The following EBF3 variants were observed in gnomAD, a reference collection of about 807,000 sequenced individuals.
EBF3 encodes the protein transcription factor COE3.
Under a neutral mutation model 77.1 loss-of-function variants are expected in EBF3, and 18 were observed. The ratio of observed to expected loss-of-function variants is 0.23; its 90% CI spans 0.16 to 0.35. The LOEUF is 0.35. Among genes scored for constraint, EBF3 ranks in the 10% least tolerant of loss-of-function variants. The probability of loss-of-function intolerance (pLI) is 1.00; values close to 1 mark genes in which losing one functional copy is unlikely to be tolerated. For missense variants in EBF3, 558 were observed against 860.0 expected, an observed-to-expected ratio of 0.65 and a Z score of 4.39; for synonymous variants, 350 against 343.5, an observed-to-expected ratio of 1.02 and a Z score of -0.21.
At chr10:129,945,107 A>AAG (rs1554930743) in intron 6 of EBF3, among the ~76,000 whole-genome samples, 1 of 5,392 alleles carries the variant, frequency 1.9e-4, no homozygotes, top group Non-Finnish European at 4.0e-4. Flanking sequence ...AGGGGAGGGG[A>AAG]AGGGGGGGGA....
intron 10 of EBF3, among the ~76,000 whole-genome samples, chr10:129,850,319 G>C (rs1031202563): frequency 6.6e-6 from 1 of 152,238 alleles, no homozygotes; most frequent in Non-Finnish European, 1.5e-5. Context: ...TTTATGACTT[G>C]TAATAACCAT....
intron 6 of EBF3, among the ~76,000 whole-genome samples, chr10:129,946,754 TG>T (rs1192065139): frequency 6.6e-6 from 1 of 152,244 alleles, no homozygotes. Flanking sequence ...AGTCTATTTT[TG>T]AGCCACACAA....
intron 6 of EBF3, among the ~76,000 whole-genome samples, chr10:129,924,104 G>T (rs1157105227): frequency 6.6e-6 from 1 of 152,150 alleles, no homozygotes; most frequent in Admixed American, 6.5e-5. Context: ...TCACCCATTA[G>T]GATGGCTGCT....
chr10:129,885,003 C>T lies in EBF3; in HGVS notation c.555-7154G>A, dbSNP rs1003205691. Among the ~76,000 whole-genome samples, 1 of 152,170 alleles carries T rather than the reference C, an allele frequency of 6.6e-6. No individual in the cohort carries two copies. Among genetic ancestry groups the T allele is most frequent in the Admixed American group, 6.5e-5 (1 of 15,282 alleles). ...TATCTCCTGACAAATACCTCACTATCGAACATTATTAGGTTTAGAAAATTA... is the reference window on the plus strand; with the variant it reads ...TATCTCCTGACAAATACCTCACTATTGAACATTATTAGGTTTAGAAAATTA... On this transcript the variant is annotated intron_variant, in intron 6 of 16. Transcript: ENST00000440978. This position sits in a 1 kb window ranked among gnomAD's most constrained non-coding sequence, Gnocchi z 4.0.
intron 8 of EBF3, 129 bp downstream of exon 8, chr10:129,873,323 T>C: frequency 1.7e-6 from 2 of 1,148,294 alleles, no homozygotes; most frequent in Middle Eastern, 5.0e-4. Flanking sequence ...CCCCTCATCC[T>C]GCCTTGGTGC....
chr10:129,918,607 T>C (rs750578045), intron 6 of EBF3, among the ~76,000 whole-genome samples: 1 of 152,194 alleles, frequency 6.6e-6, no homozygotes, highest in Non-Finnish European at 1.5e-5. Flanking sequence ...TGTGTTCGCA[T>C]GGTTGTTTAA....
At chr10:129,869,098 A>G (rs1453415048) in intron 8 of EBF3, among the ~76,000 whole-genome samples, 1 of 152,184 alleles carries the variant, frequency 6.6e-6, no homozygotes, top group Non-Finnish European at 1.5e-5. Flanking sequence ...TTTGGACACA[A>G]TTACACCCTA....
intron 4 of EBF3, 26 bp from the exon 5 acceptor site, chr10:129,959,033 G>A: frequency 6.3e-7 from 1 of 1,597,140 alleles, no homozygotes. Flanking sequence ...GCAGAGGCTG[G>A]GGTTACGCGG....
intron 6 of EBF3, among the ~76,000 whole-genome samples, chr10:129,886,658 T>C (rs1853609358): frequency 6.6e-6 from 1 of 152,136 alleles, no homozygotes; most frequent in African/African-American, 2.4e-5. Context: ...AATTTTTTTT[T>C]CCCTGGGATT....
Position 129,962,272 on chromosome 10 carries a change from A to C in EBF3, c.356-46T>G, listed in dbSNP as rs754240570. 15 of 1,600,042 alleles carry C rather than the reference A, an allele frequency of 9.4e-6. No homozygotes were observed. In the South Asian group the frequency reaches 1.7e-4, roughly 18 times the overall value. On this transcript the variant is annotated intron_variant, in intron 3 of 16. Transcript: ENST00000440978. The stretch of plus-strand genomic sequence containing the variant: ...ATTCTCATCAGGATTTGAGTGCTGC[A>C]CCTCGGGGAGGGCACACGGAGCACA...
At chr10:129,855,514 A>G (rs1164841524) in intron 10 of EBF3, among the ~76,000 whole-genome samples, 1 of 152,072 alleles carries the variant, frequency 6.6e-6, no homozygotes, top group Non-Finnish European at 1.5e-5. Context: ...TGGCCTCCTC[A>G]CTTCTCCGTG....
intron 6 of EBF3, among the ~76,000 whole-genome samples, chr10:129,933,114 T>C (rs542908757): frequency 3.3e-5 from 5 of 152,286 alleles, no homozygotes; most frequent in African/African-American, 9.6e-5. Context: ...ATCAGCCTGA[T>C]TGATGGACGT....
intron 3 of EBF3, 59 bp downstream of exon 3, chr10:129,962,883 C>CA (rs1859634267): frequency 1.3e-6 from 2 of 1,581,730 alleles, no homozygotes; most frequent in African/African-American, 1.3e-5. Flanking sequence ...GTCCTTTCAC[C>CA]AGCGCAGAAA....
intron 6 of EBF3, among the ~76,000 whole-genome samples, chr10:129,931,757 G>A (rs1278803373): frequency 6.6e-6 from 1 of 152,214 alleles, no homozygotes; most frequent in Admixed American, 6.5e-5. Context: ...AACTTAAACT[G>A]TTGCTATCAT....
At chr10:129,919,125 ACACAACGCAGACCAAG>A (rs772774321) in intron 6 of EBF3, among the ~76,000 whole-genome samples, 10 of 152,190 alleles carry the variant, frequency 6.6e-5, no homozygotes, top group Non-Finnish European at 1.3e-4. Context: ...AGGTGACCAA[ACACAACGCAGACCAAG>A]CCATGAGTTC....
chr10:129,896,811 G>A (rs543052181), intron 6 of EBF3, among the ~76,000 whole-genome samples: 8 of 152,324 alleles, frequency 5.3e-5, no homozygotes, highest in East Asian at 3.9e-4. Flanking sequence ...CGCCCAGCCC[G>A]TAGCCACCTT....
intron 6 of EBF3, among the ~76,000 whole-genome samples, chr10:129,921,719 T>C (rs1349641407): frequency 6.6e-6 from 1 of 152,026 alleles, no homozygotes; most frequent in Non-Finnish European, 1.5e-5. Flanking sequence ...CCCCTGGGGG[T>C]TGTCCCAGCA....
chr10:129,963,448 G>A lies in EBF3; in HGVS notation c.210C>T (p.Phe70=), dbSNP rs1174646766. 1.3e-6 allele frequency: 2 copies of A among 1,590,510 alleles called. No homozygotes were observed. Among genetic ancestry groups the A allele is most frequent in the South Asian group, 2.3e-5 (2 of 88,470 alleles). The change falls in exon 2 of 17, where the codon TTC becomes TTT. Residue 70 remains phenylalanine, a synonymous_variant. Coordinates refer to ENST00000440978, the MANE Select transcript of EBF3 (RefSeq NM_001375380.1). The surrounding 1 kb of genome is among the most constrained non-coding windows in gnomAD (Gnocchi z 7.1). ...SNLRKSNFFH[F]VLALYDRQGQ... ...CCTGCCTATCGTAGAGCGCCAGCAC[G>A]AAGTGGAAGAAATTGGATTTCCGGA...
intron 6 of EBF3, among the ~76,000 whole-genome samples, chr10:129,904,541 A>C (rs1008682562): frequency 2.0e-5 from 3 of 151,828 alleles, no homozygotes; most frequent in African/African-American, 4.8e-5. Context: ...AGATGAACAG[A>C]GGATGCATGG....
Sources: gnomAD v4.1 joint callset for allele counts (sites outside exome capture counted in the v4.1 genomes callset) on GRCh38, gnomAD v4.1.1 for gene constraint, Gnocchi (gnomAD v3.1) non-coding constraint, MANE v1.5 for transcripts, NCBI Gene and HGNC (gene_info 2026-07-23, HGNC 2026-07-21) for gene names.